TLN2: variants seen among roughly 807,000 people sequenced by gnomAD.
The protein encoded by TLN2 is talin 2.
A neutral mutation model predicts 294.7 loss-of-function variants in TLN2; 118 were observed. The ratio of observed to expected loss-of-function variants is 0.40; its 90% confidence interval spans 0.34 to 0.47. The LOEUF (loss-of-function observed/expected upper bound fraction) is 0.47, where lower values mean the gene tolerates loss of function less well. TLN2 is among the 20% of genes least tolerant of loss of function. The pLI is 0.84. For missense variants in TLN2, 3,083 were observed against 3,282.2 expected (o/e 0.94, Z 1.48); for synonymous variants, 1,431 against 1,304.5 (o/e 1.10, Z -2.09).
In TLN2 at chr15:62,727,177, G is replaced by C; in HGVS notation, c.3346G>C (p.Glu1116Gln). 4.3e-6 allele frequency: 7 copies of C among 1,614,152 alleles called. No individual in the cohort carries two copies. In the South Asian group the frequency reaches 6.6e-5, roughly 15 times the overall value. Reference sequence around the variant, plus strand: ...GCTGACCTGTGCTGCTCAAGGCAACGAACACTACACAGGTGAGACCCACGC... The same window carrying C: ...GCTGACCTGTGCTGCTCAAGGCAACCAACACTACACAGGTGAGACCCACGC... Reference protein sequence around the residue: ...QLLTCAAQGNEHYTGVAARET... With the variant: ...QLLTCAAQGNQHYTGVAARET... Residue 1116 changes from glutamate to glutamine, a missense_variant, in exon 28 of 59, where the codon GAA becomes CAA. By Grantham distance (29) the Glu-to-Gln change is conservative (BLOSUM62 2). Coordinates refer to ENST00000636159, the MANE Select transcript of TLN2 (RefSeq NM_015059.3).
chr15:62,688,934 T>G (rs1329908040), intron 12 of TLN2, among the ~76,000 whole-genome samples: 1 of 152,098 alleles, frequency 6.6e-6, no homozygotes, highest in African/African-American at 2.4e-5. Context: ...ATTAGTTGGG[T>G]TATATTTTTT....
intron 1 of TLN2, among the ~76,000 whole-genome samples, chr15:62,470,173 C>T (rs779885): frequency 0.61 from 92,350 of 151,920 alleles, 28,228 homozygotes; most frequent in East Asian, 0.71. Context: ...GGGATCCTTC[C>T]CAAATTCTGA....
chr15:62,607,170 C>T lies in TLN2; in HGVS notation c.-161-11181C>T, dbSNP rs575424205. ...GGGCTTGCTCCTGCCCTTCAAGCAC[C>T]CTTGGCTTCCTATTAGACTTTCTCT... is the stretch of plus-strand genomic sequence containing the variant. On this transcript the variant is annotated intron_variant, in intron 2 of 58. Transcript: ENST00000636159. Among the ~76,000 whole-genome samples the T allele has an allele frequency of 8.6e-4, 131 of 152,196 alleles. 2 individuals are homozygous for T. Among genetic ancestry groups the T allele is most frequent in the East Asian group, 2.1e-3 (11 of 5,178 alleles).
chr15:62,417,441 G>A (rs915021240), intron 1 of TLN2, among the ~76,000 whole-genome samples: 1 of 152,162 alleles, frequency 6.6e-6, no homozygotes, highest in Non-Finnish European at 1.5e-5. Context: ...TTAGAAAATT[G>A]CTTTACTGTG....
chr15:62,590,086 A>G (rs1461332994), intron 2 of TLN2, among the ~76,000 whole-genome samples: 3 of 152,110 alleles, frequency 2.0e-5, no homozygotes, highest in Non-Finnish European at 4.4e-5. Context: ...TTTGCTTCAT[A>G]AATCTTTTCT....
intron 1 of TLN2, among the ~76,000 whole-genome samples, chr15:62,444,289 C>T (rs919773396): frequency 1.3e-5 from 2 of 152,170 alleles, no homozygotes; most frequent in African/African-American, 4.8e-5. Context: ...TCACTGGTCT[C>T]CATGGAGGTG....
intron 12 of TLN2, among the ~76,000 whole-genome samples, chr15:62,689,067 T>C (rs2057543036): frequency 7.0e-6 from 1 of 143,256 alleles, no homozygotes; most frequent in Admixed American, 7.0e-5. Context: ...TTTCTCTCTC[T>C]CTTTTTTTTT....
Position 62,833,855 on chromosome 15 carries a change from A to C in TLN2, c.7128+226A>C. 5 of 492,140 alleles carry C rather than the reference A, an allele frequency of 1.0e-5. No homozygotes were observed. The South Asian group carries it at 2.3e-4, about 23-fold the overall frequency. 30.5% of individuals were successfully genotyped at this position (492,140 alleles called of 1,614,324 possible). A position where few individuals can be genotyped will look rare whatever the true frequency, so the allele number is the denominator to read the frequency against. ...TCATCTGCTTCTTGTTAAGGAAAGC[A>C]TCCCATTCCAGGCAGTGACTGGGGC... On this transcript the variant is annotated intron_variant, in intron 55 of 58. Coordinates refer to ENST00000636159, the MANE Select transcript of TLN2 (RefSeq NM_015059.3).
intron 54 of TLN2, chr15:62,828,273 C>T (rs536537202): frequency 6.6e-6 from 1 of 152,296 alleles, no homozygotes; most frequent in Non-Finnish European, 1.5e-5. Flanking sequence ...AGGGATAAAT[C>T]TGTCCTCAGC....
At chr15:62,684,659 T>G (rs907084584) in intron 11 of TLN2, among the ~76,000 whole-genome samples, 1 of 151,962 alleles carries the variant, frequency 6.6e-6, no homozygotes, top group African/African-American at 2.4e-5. Flanking sequence ...GGATTTGGCC[T>G]TTTCTCTTTT....
At chr15:62,667,442 T>C (rs1190266428) in intron 9 of TLN2, among the ~76,000 whole-genome samples, 1 of 152,192 alleles carries the variant, frequency 6.6e-6, no homozygotes, top group African/African-American at 2.4e-5. Context: ...GCTGTCCCTA[T>C]TGTACCTCCA....
intron 57 of TLN2, among the ~76,000 whole-genome samples, chr15:62,836,317 C>G (rs1468433388): frequency 6.6e-6 from 1 of 152,240 alleles, no homozygotes; most frequent in Non-Finnish European, 1.5e-5. Context: ...CAGCCCAACC[C>G]AGCAGACCCC....
At chr15:62,648,526 C>T (rs984070728) in intron 4 of TLN2, among the ~76,000 whole-genome samples, 4 of 138,838 alleles carry the variant, frequency 2.9e-5, no homozygotes, top group South Asian at 2.2e-4. Context: ...TGGTCTAAAA[C>T]GTGATGATGA....
chr15:62,736,820 G>A lies in TLN2; in HGVS notation c.3359-58G>A, dbSNP rs974060575. 1.9e-6 allele frequency: 3 copies of A among 1,579,768 alleles called. No individual in the cohort carries two copies. In the African/African-American group the frequency reaches 4.0e-5, roughly 21 times the overall value. On this transcript the variant is annotated intron_variant, in intron 28 of 58. Coordinates refer to ENST00000636159, the MANE Select transcript of TLN2 (RefSeq NM_015059.3). ...CCCTGGTCCAGAAGCTTATTCCTAA[G>A]TAAAATGTGCCATTTAGATGGAGTC...
At chr15:62,599,019 T>C (rs1436574705) in intron 2 of TLN2, among the ~76,000 whole-genome samples, 1 of 152,102 alleles carries the variant, frequency 6.6e-6, no homozygotes, top group South Asian at 2.1e-4. Context: ...GAATAGCACA[T>C]TGAGGATGGG....
intron 2 of TLN2, among the ~76,000 whole-genome samples, chr15:62,612,872 T>C (rs1350520770): frequency 4.6e-5 from 7 of 152,250 alleles, no homozygotes. Flanking sequence ...CCAGGCTTTA[T>C]GAAATAATCT....
At position 62,745,765 on chromosome 15, in the gene TLN2, T is replaced by C. The variant is rs143252036; in HGVS notation, c.4026-2586T>C. Among the ~76,000 whole-genome samples the C allele has an allele frequency of 4.3e-3, 651 of 152,354 alleles. 4 individuals are homozygous for C. The highest frequency in any genetic ancestry group is 0.015 in the African/African-American group (629 of 41,578). On this transcript the variant is annotated intron_variant, in intron 32 of 58. Transcript: ENST00000636159. ...TGCTCTTATAAATAGCTGCTGGGGT[T>C]TAAAACATAAATATTGTTTTTCATT...
At chr15:62,459,552 G>A (rs910278665) in intron 1 of TLN2, among the ~76,000 whole-genome samples, 14 of 152,146 alleles carry the variant, frequency 9.2e-5, no homozygotes, top group African/African-American at 3.4e-4. Context: ...GTGTGTATGA[G>A]TGTGTGAATG....
chr15:62,604,551 A>G (rs1596316947), intron 2 of TLN2, among the ~76,000 whole-genome samples: 2 of 148,272 alleles, frequency 1.3e-5, no homozygotes, highest in Admixed American at 6.7e-5. Flanking sequence ...AAAAAAGAAA[A>G]GGGTGGGGGG....
Sources: gnomAD v4.1 joint callset for allele counts (sites outside exome capture counted in the v4.1 genomes callset) on GRCh38, gnomAD v4.1.1 for gene constraint, MANE v1.5 for transcripts, NCBI Gene and HGNC (gene_info 2026-07-23, HGNC 2026-07-21) for gene names.